Variants in KARS1 observed in about 807,000 individuals in gnomAD.
The protein encoded by KARS1 is lysine--tRNA ligase.
KARS1 carries 50 observed loss-of-function variants against 63.9 expected under a neutral mutation model. The observed-to-expected ratio is 0.78, with a 90% CI of 0.62 to 0.99. KARS1 has a LOEUF of 0.99. Ranked by LOEUF, KARS1 falls within the 50% of genes least tolerant of loss-of-function variation. KARS1 has a pLI of 0.00. For synonymous variants in KARS1, 320 were observed against 264.6 expected, an observed-to-expected ratio of 1.21 and a Z score of -2.03; for missense variants, 816 against 754.5, an observed-to-expected ratio of 1.08 and a Z score of -0.95.
chr16:75,630,481 A>C lies in KARS1; in HGVS notation c.1366T>G (p.Cys456Gly), dbSNP rs772704062. 6.2e-7 allele frequency: 1 copy of C among 1,611,930 alleles called. No homozygotes were observed. The highest frequency in any genetic ancestry group is 2.2e-5 in the East Asian group (1 of 44,884). The change falls in exon 11 of 14, where the codon TGC becomes GGC. Residue 456 changes from cysteine (C) to glycine (G), a missense_variant. Coordinates refer to ENST00000302445, the MANE Select transcript of KARS1 (RefSeq NM_005548.3). ...TCACAGATGAATGTAGGATTGATGC[A>C]AGTCACTTCCAGGAACTCCCCAACA... ...KLVGEFLEVT[C>G]INPTFICDHP...
chr16:75,646,562 C>A (rs923957117), intron 1 of KARS1, among the ~76,000 whole-genome samples: 1 of 151,472 alleles, frequency 6.6e-6, no homozygotes, highest in Non-Finnish European at 1.5e-5. Flanking sequence ...AAAGAAACAT[C>A]ATTTCTCTTT....
Position 75,628,560 on chromosome 16 carries a change from G to A in KARS1, c.1695+9C>T. The A allele has an allele frequency of 6.2e-7, 1 of 1,613,414 alleles. No homozygotes were observed. Among genetic ancestry groups the A allele is most frequent in the Non-Finnish European group, 8.5e-7 (1 of 1,179,884 alleles). ...CAGGAAGTGTGCTCTGTGGAGGGTT[G>A]CTACGTACCTTGATGTTGTTGGAGT... On this transcript the variant is annotated intron_variant, in intron 13 of 13. Coordinates refer to ENST00000302445, the MANE Select transcript of KARS1 (RefSeq NM_005548.3).
intron 1 of KARS1, chr16:75,644,248 C>T: frequency 6.4e-7 from 1 of 1,557,118 alleles, no homozygotes; most frequent in Non-Finnish European, 8.7e-7. Context: ...ATAATTTTTG[C>T]TTCCAGAGCA....
chr16:75,634,098 G>C (rs1181203357), intron 7 of KARS1, 75 bp downstream of exon 7: 9 of 1,497,200 alleles, frequency 6.0e-6, no homozygotes, highest in Non-Finnish European at 8.3e-6. Context: ...TCTTATTTCT[G>C]ACTATACCCA....
At chr16:75,643,893 G>A (rs897041770) in intron 1 of KARS1, among the ~76,000 whole-genome samples, 3 of 152,170 alleles carry the variant, frequency 2.0e-5, no homozygotes, top group African/African-American at 7.2e-5. Context: ...TCAACCAGGT[G>A]CTCCTCTTAA....
intron 1 of KARS1, among the ~76,000 whole-genome samples, chr16:75,645,596 T>C (rs537737512): frequency 6.6e-6 from 1 of 152,230 alleles, no homozygotes; most frequent in Admixed American, 6.5e-5. Context: ...CCTATAATCC[T>C]AGCGCTTTGT....
intron 3 of KARS1, among the ~76,000 whole-genome samples, chr16:75,637,888 G>GA (rs892396990): frequency 2.4e-5 from 2 of 81,928 alleles, no homozygotes; most frequent in Non-Finnish European, 5.1e-5. Flanking sequence ...ACAGGACAAG[G>GA]AAAAAAGAGA....
At chr16:75,643,287 C>T (rs2082244401) in intron 1 of KARS1, among the ~76,000 whole-genome samples, 1 of 152,150 alleles carries the variant, frequency 6.6e-6, no homozygotes, top group African/African-American at 2.4e-5. Context: ...CAAGTCATGC[C>T]CGCAAACATT....
At chr16:75,644,410 CA>C in intron 1 of KARS1, 2 of 1,611,764 alleles carry the variant, frequency 1.2e-6, no homozygotes, top group Non-Finnish European at 1.7e-6. Flanking sequence ...ACAAGCCTTA[CA>C]GCAGCTTGCG....
At chr16:75,641,507 G>A in intron 2 of KARS1, 57 bp downstream of exon 2, 2 of 1,503,304 alleles carry the variant, frequency 1.3e-6, no homozygotes, top group East Asian at 2.3e-5. Flanking sequence ...GAATCTGCCA[G>A]AAGCCTCATC....
At chr16:75,647,381 G>A (rs1597181657) in intron 1 of KARS1, 197 bp downstream of exon 1, 2 of 657,020 alleles carry the variant, frequency 3.0e-6, no homozygotes, top group Non-Finnish European at 5.5e-6. Context: ...GGTGCCAGCT[G>A]GGAACGGGGA....
At chr16:75,645,520 G>C (rs1250405065) in intron 1 of KARS1, among the ~76,000 whole-genome samples, 1 of 152,130 alleles carries the variant, frequency 6.6e-6, no homozygotes, top group Non-Finnish European at 1.5e-5. Flanking sequence ...CAGAAAAGCT[G>C]GTCAAAAAAG....
Position 75,647,431 on chromosome 16 carries a change from G to C in KARS1, c.62+147C>G, listed in dbSNP as rs568217364. ...GGTATCCCGGGGTACGTGGTCTGCA[G>C]GGCGCAGCCACCACGTCTCAGCATG... is the stretch of plus-strand genomic sequence containing the variant. On this transcript the variant is annotated intron_variant, in intron 1 of 13. Coordinates refer to ENST00000302445, the MANE Select transcript of KARS1 (RefSeq NM_005548.3). The C allele has an allele frequency of 3.8e-6, 3 of 792,286 alleles. No individual in the cohort carries two copies. The South Asian group carries it at 4.4e-5, about 12-fold the overall frequency. The allele number at this position is 792,286 out of a possible 1,614,324, so 49.1% of individuals were successfully genotyped here.
intron 3 of KARS1, among the ~76,000 whole-genome samples, chr16:75,638,394 C>T (rs187903953): frequency 6.6e-6 from 1 of 152,176 alleles, no homozygotes; most frequent in Admixed American, 6.5e-5. Flanking sequence ...GGTCCCCCCG[C>T]CCCTTGACAG....
At chr16:75,645,885 A>C (rs934721689) in intron 1 of KARS1, among the ~76,000 whole-genome samples, 1 of 151,442 alleles carries the variant, frequency 6.6e-6, no homozygotes, top group Non-Finnish European at 1.5e-5. Flanking sequence ...AGAGGAATTA[A>C]CCAGTTTTTT....
intron 1 of KARS1, among the ~76,000 whole-genome samples, chr16:75,646,134 G>A (rs994699264): frequency 7.9e-5 from 12 of 152,140 alleles, no homozygotes; most frequent in African/African-American, 2.4e-4. Context: ...GAAGTCCATC[G>A]GATTGCTCTA....
intron 6 of KARS1, 86 bp from the exon 7 acceptor site, chr16:75,634,378 C>T: frequency 7.5e-7 from 1 of 1,336,196 alleles, no homozygotes; most frequent in Non-Finnish European, 1.1e-6. Context: ...ATAGTCTAAG[C>T]CTGTTATACC....
chr16:75,631,655 C>T (rs2082115297), intron 8 of KARS1, 38 bp downstream of exon 8: 3 of 1,614,006 alleles, frequency 1.9e-6, no homozygotes, highest in Middle Eastern at 1.6e-4. Flanking sequence ...AAGCAGCATA[C>T]CAACCACCCG....
rs2082137246 is a variant in KARS1 at position 75,634,037 on chromosome 16, C to T, written c.915+136G>A. The T allele has an allele frequency of 1.5e-5, 14 of 913,352 alleles. No individual in the cohort carries two copies. In the Admixed American group the frequency reaches 2.1e-4, roughly 13 times the overall value. 56.6% of individuals were successfully genotyped at this position (913,352 alleles called of 1,614,324 possible). A position where few individuals can be genotyped will look rare whatever the true frequency, so the allele number is the denominator to read the frequency against. On this transcript the variant is annotated intron_variant, in intron 7 of 13. Transcript: ENST00000302445. ...ATTCTGGAAGTGTTACTCACATCCA[C>T]ACACCTGACCCATCAGAACACTTTC...
Sources: gnomAD v4.1 joint callset for allele counts (sites outside exome capture counted in the v4.1 genomes callset) on GRCh38, gnomAD v4.1.1 for gene constraint, MANE v1.5 for transcripts, NCBI Gene and HGNC (gene_info 2026-07-23, HGNC 2026-07-21) for gene names.